Variants in PCBP3 observed in about 807,000 individuals in gnomAD.
PCBP3 encodes poly(rC)-binding protein 3.
In PCBP3, 25 loss-of-function variants were observed where a neutral mutation model predicts 52.7. The observed-to-expected ratio is 0.47, with a 90% CI of 0.35 to 0.66. The LOEUF (loss-of-function observed/expected upper bound fraction) is 0.66, where lower values mean the gene tolerates loss of function less well. Ranked by LOEUF, PCBP3 falls within the 30% of genes least tolerant of loss-of-function variation. PCBP3 has a pLI of 0.01. For missense variants in PCBP3, 391 were observed against 490.3 expected (o/e 0.80, Z 1.91); for synonymous variants, 162 against 183.0 (o/e 0.89, Z 0.93).
intron 14 of PCBP3, among the ~76,000 whole-genome samples, chr21:45,930,580 G>A (rs370295166): frequency 5.9e-5 from 9 of 152,166 alleles, no homozygotes; most frequent in Non-Finnish European, 1.0e-4. Flanking sequence ...CAGAGGCAGC[G>A]CCATGCCTGT....
chr21:45,765,238 G>A (rs187502689), intron 4 of PCBP3, among the ~76,000 whole-genome samples: 76 of 152,342 alleles, frequency 5.0e-4, no homozygotes, highest in Admixed American at 1.6e-3. Context: ...CTCCAGGGGT[G>A]CCAGGATATC....
intron 5 of PCBP3, among the ~76,000 whole-genome samples, chr21:45,889,929 C>G (rs545937674): frequency 6.6e-6 from 1 of 152,388 alleles, no homozygotes; most frequent in Admixed American, 6.5e-5. Context: ...AGCTCCGAGA[C>G]GGAGGCCTGT....
intron 13 of PCBP3, among the ~76,000 whole-genome samples, chr21:45,925,255 G>T (rs1396189938): frequency 1.3e-5 from 2 of 152,366 alleles, no homozygotes; most frequent in East Asian, 3.9e-4. Context: ...ACTAGAGGGA[G>T]AAGACACTGA....
intron 15 of PCBP3, among the ~76,000 whole-genome samples, chr21:45,933,919 G>A (rs1458157907): frequency 6.6e-6 from 1 of 152,210 alleles, no homozygotes; most frequent in Non-Finnish European, 1.5e-5. Context: ...CAGGGCAGAG[G>A]TGGTGGGGAG....
intron 4 of PCBP3, among the ~76,000 whole-genome samples, chr21:45,765,694 A>G (rs2089246041): frequency 6.6e-6 from 1 of 152,056 alleles, no homozygotes; most frequent in Non-Finnish European, 1.5e-5. Context: ...GATGGTCCCT[A>G]GGAGGCCCCT....
chr21:45,822,450 A>T (rs1184985906), intron 4 of PCBP3, among the ~76,000 whole-genome samples: 5 of 152,368 alleles, frequency 3.3e-5, no homozygotes, highest in South Asian at 2.1e-4. Context: ...ATGATTTTTT[A>T]AAAATGGTTC....
In PCBP3 at chr21:45,735,775, GAGCCTACCGCACA is replaced by G. The variant is rs1263801986; in HGVS notation, c.-162+359_-162+371del. Among the ~76,000 whole-genome samples the G allele has an allele frequency of 5.9e-5, 9 of 152,166 alleles. No individual in the cohort carries two copies. The highest frequency in any genetic ancestry group is 2.0e-4 in the Admixed American group (3 of 15,282). On this transcript the variant is annotated intron_variant, in intron 3 of 17. Transcript: ENST00000681687. The surrounding 1 kb of genome is among the most constrained non-coding windows in gnomAD (Gnocchi z 4.0). ...TTAGTGCACTTGGAGCCTACTGCAC[GAGCCTACCGCACA>G]AGCCTACCGCACGCCTTTGTTCTTG...
intron 4 of PCBP3, among the ~76,000 whole-genome samples, chr21:45,820,914 A>G (rs556574497): frequency 6.6e-6 from 1 of 152,154 alleles, no homozygotes; most frequent in South Asian, 2.1e-4. Flanking sequence ...CCTGCGGGAT[A>G]CAGCCTCGAG....
At chr21:45,744,928 T>C (rs1018909885) in intron 3 of PCBP3, among the ~76,000 whole-genome samples, 20 of 152,226 alleles carry the variant, frequency 1.3e-4, no homozygotes, top group Non-Finnish European at 2.5e-4. Context: ...ATGTTTGCCC[T>C]GTGTGGGTCA....
At chr21:45,762,491 C>CTCTTTTTTTTTTT (rs2088795733) in intron 4 of PCBP3, 1 of 104,666 alleles carries the variant, frequency 9.6e-6, no homozygotes, top group Admixed American at 1.1e-4. Context: ...CTTTTCTTCT[C>CTCTTTTTTTTTTT]TTTTTTTTTT....
At chr21:45,907,062 G>A (rs558866068) in intron 9 of PCBP3, among the ~76,000 whole-genome samples, 143 of 152,354 alleles carry the variant, frequency 9.4e-4, no homozygotes, top group Middle Eastern at 6.8e-3. Context: ...GGCGGAGGCC[G>A]GCCGCCCGTT....
chr21:45,713,577 A>G (rs1448497880), intron 2 of PCBP3, among the ~76,000 whole-genome samples: 5 of 152,216 alleles, frequency 3.3e-5, no homozygotes, highest in Admixed American at 1.3e-4. Flanking sequence ...GCACATGGTT[A>G]TGCATGTACC....
chr21:45,723,621 T>G (rs2084821060), intron 2 of PCBP3, among the ~76,000 whole-genome samples: 2 of 152,188 alleles, frequency 1.3e-5, no homozygotes, highest in Non-Finnish European at 2.9e-5. Context: ...GTATGATCTA[T>G]CTTAGATATG....
At chr21:45,935,982 A>T (rs2076852786) in intron 16 of PCBP3, among the ~76,000 whole-genome samples, 1 of 152,228 alleles carries the variant, frequency 6.6e-6, no homozygotes, top group African/African-American at 2.4e-5. Flanking sequence ...TAGCTGCCAG[A>T]GCAGCAAGCA....
intron 4 of PCBP3, among the ~76,000 whole-genome samples, chr21:45,811,453 G>C (rs1268712041): frequency 6.6e-6 from 1 of 152,264 alleles, no homozygotes; most frequent in Non-Finnish European, 1.5e-5. Context: ...AAGAACTCAA[G>C]TGATTAGAGT....
intron 5 of PCBP3, among the ~76,000 whole-genome samples, chr21:45,894,812 G>A (rs1380949611): frequency 3.3e-5 from 5 of 152,210 alleles, no homozygotes; most frequent in Admixed American, 6.5e-5. Flanking sequence ...GGTGATCTTC[G>A]GAGCCCTTTG....
intron 4 of PCBP3, among the ~76,000 whole-genome samples, chr21:45,764,980 G>T (rs1352088029): frequency 6.6e-6 from 1 of 152,222 alleles, no homozygotes; most frequent in Non-Finnish European, 1.5e-5. Flanking sequence ...GCCCCGGGTG[G>T]GCCATGGGGC....
intron 13 of PCBP3, among the ~76,000 whole-genome samples, chr21:45,924,832 A>G (rs1227203110): frequency 2.3e-5 from 1 of 44,136 alleles, no homozygotes; most frequent in Non-Finnish European, 4.3e-5. Flanking sequence ...AACACCGGGA[A>G]CAGTCGTGTG....
At chr21:45,822,393 T>G (rs775828295) in intron 4 of PCBP3, among the ~76,000 whole-genome samples, 3 of 152,244 alleles carry the variant, frequency 2.0e-5, no homozygotes, top group Non-Finnish European at 4.4e-5. Context: ...CAAGAAGCTA[T>G]AAATCAACCA....
Sources: allele counts gnomAD v4.1 joint callset (sites outside exome capture counted in the v4.1 genomes callset), GRCh38; gene constraint gnomAD v4.1.1; non-coding constraint Gnocchi (gnomAD v3.1); transcripts MANE v1.5; gene names NCBI Gene and HGNC (gene_info 2026-07-23, HGNC 2026-07-21).